The following CSMD3 variants were observed in gnomAD, a reference collection of about 807,000 sequenced individuals.
CSMD3 encodes CUB and Sushi multiple domains 3.
Under a neutral mutation model 435.2 loss-of-function variants are expected in CSMD3, and 177 were observed. The observed-to-expected ratio is 0.41, with a 90% CI of 0.36 to 0.46. The LOEUF (loss-of-function observed/expected upper bound fraction) is 0.46, where lower values mean the gene tolerates loss of function less well. Ranked by LOEUF, CSMD3 falls within the 20% of genes least tolerant of loss-of-function variation. The probability of loss-of-function intolerance (pLI) is 0.34; values close to 1 mark genes in which losing one functional copy is unlikely to be tolerated. For missense variants in CSMD3, 4,265 were observed against 4,504.6 expected (o/e 0.95, Z 1.52); for synonymous variants, 1,656 against 1,520.5 (o/e 1.09, Z -2.07).
In CSMD3 at chr8:112,255,698, G is replaced by A. The variant is rs961787059; in HGVS notation, c.9863-271C>T. ...AAGAAAGAATTTTTGTACTTTTGTC[G>A]TTTTGTATTGACCAAAATCAAACCA... On this transcript the variant is annotated intron_variant, in intron 61 of 70. Coordinates refer to ENST00000297405, the MANE Select transcript of CSMD3 (RefSeq NM_198123.2). The A allele has an allele frequency of 2.1e-5, 9 of 431,192 alleles. No individual in the cohort carries two copies. The East Asian group carries it at 2.4e-4, about 11-fold the overall frequency. The allele number at this position is 431,192 out of a possible 1,614,324, so 26.7% of individuals were successfully genotyped here. A position where few individuals can be genotyped will look rare whatever the true frequency, so the allele number is the denominator to read the frequency against.
At chr8:112,842,801 T>A (rs187530848) in intron 11 of CSMD3, among the ~76,000 whole-genome samples, 6 of 151,938 alleles carry the variant, frequency 3.9e-5, no homozygotes, top group African/African-American at 7.2e-5. Context: ...ATATTTACTA[T>A]TTATTCCTAA....
At chr8:113,207,270 TA>T (rs752847531) in intron 3 of CSMD3, among the ~76,000 whole-genome samples, 53 of 152,164 alleles carry the variant, frequency 3.5e-4, no homozygotes, top group Admixed American at 7.9e-4. Context: ...ATTTTTATTT[TA>T]ATCAAGCCAA....
In CSMD3 at chr8:113,169,231, A is replaced by C. The variant is rs11990777; in HGVS notation, c.709+4491T>G. 7.7e-3 allele frequency among the ~76,000 whole-genome samples: 1,173 copies of C among 152,302 alleles called. 19 individuals are homozygous for C. Among genetic ancestry groups the C allele is most frequent in the African/African-American group, 0.027 (1,123 of 41,560 alleles). On this transcript the variant is annotated intron_variant, in intron 4 of 70. Transcript: ENST00000297405. Reference sequence around the variant, plus strand: ...TGTGGAAAACAGTCTTCCAAGAATAAAACTTGGAAGATTTATTTTTCTTTG... The same window carrying C: ...TGTGGAAAACAGTCTTCCAAGAATACAACTTGGAAGATTTATTTTTCTTTG...
chr8:112,356,534 G>T (rs1354109159), intron 38 of CSMD3, among the ~76,000 whole-genome samples: 1 of 151,806 alleles, frequency 6.6e-6, no homozygotes, highest in Non-Finnish European at 1.5e-5. Flanking sequence ...GAGGGCAAGG[G>T]TTGAAAATCT....
intron 45 of CSMD3, among the ~76,000 whole-genome samples, chr8:112,320,193 T>C (rs1173139669): frequency 6.6e-6 from 1 of 152,192 alleles, no homozygotes; most frequent in Non-Finnish European, 1.5e-5. Flanking sequence ...TTATTCTTTA[T>C]TTCTTACCCT....
chr8:113,152,303 T>C (rs1247210600), intron 4 of CSMD3, among the ~76,000 whole-genome samples: 1 of 152,038 alleles, frequency 6.6e-6, no homozygotes, highest in African/African-American at 2.4e-5. Context: ...TTTAAAAGCA[T>C]ATAAACATAA....
intron 28 of CSMD3, 69 bp from the exon 29 acceptor site, chr8:112,506,898 G>T: frequency 7.2e-7 from 1 of 1,393,766 alleles, no homozygotes; most frequent in South Asian, 1.2e-5. Flanking sequence ...CAATATTTTT[G>T]AAATCACGTC....
At chr8:112,649,480 A>T (rs536370727) in intron 19 of CSMD3, among the ~76,000 whole-genome samples, 1 of 152,332 alleles carries the variant, frequency 6.6e-6, no homozygotes, top group East Asian at 1.9e-4. Context: ...CTGTAAATAG[A>T]AATTAAAACC....
chr8:112,276,350 C>T (rs142116332), intron 59 of CSMD3, among the ~76,000 whole-genome samples: 147 of 152,264 alleles, frequency 9.7e-4, no homozygotes, highest in East Asian at 6.0e-3. Context: ...GCACATGTTA[C>T]AAGTTGTCGA....
At chr8:113,068,083 G>T (rs2088940627) in intron 5 of CSMD3, among the ~76,000 whole-genome samples, 1 of 152,080 alleles carries the variant, frequency 6.6e-6, no homozygotes, top group African/African-American at 2.4e-5. Context: ...GTGAAATTTT[G>T]TTTCTGTGGA....
At chr8:112,461,393 A>G (rs1817429901) in intron 32 of CSMD3, among the ~76,000 whole-genome samples, 1 of 152,156 alleles carries the variant, frequency 6.6e-6, no homozygotes, top group African/African-American at 2.4e-5. Context: ...GTTTTCCAGA[A>G]AAAGTAATGC....
intron 27 of CSMD3, among the ~76,000 whole-genome samples, chr8:112,539,705 A>G (rs2131128240): frequency 6.6e-6 from 1 of 152,252 alleles, no homozygotes; most frequent in African/African-American, 2.4e-5. Context: ...CCATACGTAG[A>G]AGAATAAAAC....
intron 13 of CSMD3, among the ~76,000 whole-genome samples, chr8:112,794,283 A>AC (rs1446027757): frequency 2.2e-5 from 3 of 138,852 alleles, no homozygotes; most frequent in Non-Finnish European, 1.5e-5. Flanking sequence ...TGGACTGATA[A>AC]ACTTTTTTTT....
intron 11 of CSMD3, among the ~76,000 whole-genome samples, chr8:112,856,191 G>T (rs139186918): frequency 6.6e-6 from 1 of 151,826 alleles, no homozygotes; most frequent in African/African-American, 2.4e-5. Flanking sequence ...ATAATTAAAG[G>T]AAACATTCCC....
chr8:113,153,100 G>GA (rs200601329), intron 4 of CSMD3, among the ~76,000 whole-genome samples: 2 of 54,018 alleles, frequency 3.7e-5, no homozygotes, highest in African/African-American at 1.9e-4. Flanking sequence ...AAGAAAGAAA[G>GA]AAAAGAAAGA....
chr8:113,111,475 G>A (rs940917035), intron 4 of CSMD3, among the ~76,000 whole-genome samples: 1 of 151,882 alleles, frequency 6.6e-6, no homozygotes, highest in Non-Finnish European at 1.5e-5. Context: ...TTACCTTTTA[G>A]CCAGTGACTA....
intron 59 of CSMD3, among the ~76,000 whole-genome samples, chr8:112,279,529 C>G (rs916787878): frequency 3.3e-5 from 5 of 152,118 alleles, no homozygotes; most frequent in African/African-American, 1.2e-4. Flanking sequence ...GCCCCTTGGA[C>G]CTGTCCTTCT....
At chr8:112,410,212 C>T (rs1253585379) in intron 32 of CSMD3, among the ~76,000 whole-genome samples, 4 of 151,636 alleles carry the variant, frequency 2.6e-5, no homozygotes, top group African/African-American at 7.3e-5. Context: ...AGCTGGTGAT[C>T]TCAGTCCAGT....
intron 3 of CSMD3, among the ~76,000 whole-genome samples, chr8:113,185,802 G>A (rs1038268263): frequency 1.3e-4 from 20 of 152,010 alleles, no homozygotes; most frequent in Non-Finnish European, 5.9e-5. Context: ...AACAGCACTC[G>A]GGGCATTTGT....
Sources: gnomAD v4.1 joint callset for allele counts (sites outside exome capture counted in the v4.1 genomes callset) on GRCh38, gnomAD v4.1.1 for gene constraint, MANE v1.5 for transcripts, NCBI Gene and HGNC (gene_info 2026-07-23, HGNC 2026-07-21) for gene names.